HMGCS2: variants seen among roughly 807,000 people sequenced by gnomAD.
The protein encoded by HMGCS2 is hydroxymethylglutaryl-CoA synthase, mitochondrial.
In HMGCS2, 50 loss-of-function variants were observed where a neutral mutation model predicts 57.4. The observed-to-expected ratio is 0.87, with a 90% CI of 0.69 to 1.10. The LOEUF (loss-of-function observed/expected upper bound fraction) is 1.10, where lower values mean the gene tolerates loss of function less well. Among genes scored for constraint, HMGCS2 ranks in the 50% least tolerant of loss-of-function variants. The pLI is 0.00. For missense variants in HMGCS2, 627 were observed against 636.5 expected (o/e 0.99, Z 0.16); for synonymous variants, 254 against 245.1 (o/e 1.04, Z -0.34).
Position 119,752,567 on chromosome 1 carries a change from C to T in HMGCS2, c.1402G>A (p.Glu468Lys). The T allele has an allele frequency of 1.2e-6, 2 of 1,614,090 alleles. No individual in the cohort carries two copies. The highest frequency in any genetic ancestry group is 1.7e-6 in the Non-Finnish European group (2 of 1,179,992). ...TTCTTACCCTTATGGTAGAATTGCT[C>T]TCTTTGGTTCATTATTTCTGTGAAC... ...EEFTEIMNQR[E>K]QFYHKVNFSP... Residue 468 changes from glutamate to lysine, a missense_variant, in exon 8 of 10, where the codon GAG becomes AAG. Transcript: ENST00000369406.
intron 9 of HMGCS2, among the ~76,000 whole-genome samples, chr1:119,749,125 C>T (rs914340202): frequency 1.3e-5 from 2 of 152,190 alleles, no homozygotes; most frequent in South Asian, 2.1e-4. Flanking sequence ...TAGAGCTCCA[C>T]CATGAGCACT....
Position 119,764,488 on chromosome 1 carries a change from T to A in HMGCS2, c.243A>T (p.Ala81=), listed in dbSNP as rs761845625. Residue 81 remains alanine (A), a synonymous_variant, in exon 2 of 10, where the codon GCA becomes GCT. Transcript: ENST00000369406. The part of the protein sequence containing the change: ...TDLEKYNNVE[A]GKYTVGLGQT... ...GGCCCAAGCCCACTGTATACTTTCC[T>A]GCTTCCACATTGTTATACTTCTCCA... 2 of 1,612,560 alleles carry A rather than the reference T, an allele frequency of 1.2e-6. No individual in the cohort carries two copies. The highest frequency in any genetic ancestry group is 3.3e-5 in the Admixed American group (2 of 59,986).
At position 119,750,836 on chromosome 1, in the gene HMGCS2, T is replaced by A. The variant is rs749846010; in HGVS notation, c.1493A>T (p.Gln498Leu). The change falls in exon 9 of 10, where the codon CAG (glutamine) becomes CTG (leucine). Residue 498 changes from glutamine (Q) to leucine (L), a missense_variant. Gln to Leu is a moderately radical substitution (Grantham distance 113). Coordinates refer to ENST00000369406, the MANE Select transcript of HMGCS2 (RefSeq NM_005518.4). ...GTWYLERVDE[Q>L]HRRKYARRPV ...ACGCCGGGCATACTTTCGGCGATGC[T>A]GCTCGTCCACTCGCTCCAGGTACCA... 12 of 1,614,106 alleles carry A rather than the reference T, an allele frequency of 7.4e-6. No homozygotes were observed. Among genetic ancestry groups the A allele is most frequent in the Non-Finnish European group, 1.0e-5 (12 of 1,179,968 alleles).
At chr1:119,763,456 C>T (rs1653110676) in intron 2 of HMGCS2, among the ~76,000 whole-genome samples, 1 of 152,072 alleles carries the variant, frequency 6.6e-6, no homozygotes, top group African/African-American at 2.4e-5. Flanking sequence ...TTAAGCAAGG[C>T]AGATAGGCAA....
intron 2 of HMGCS2, among the ~76,000 whole-genome samples, chr1:119,761,892 T>A (rs1243466646): frequency 1.3e-5 from 2 of 152,230 alleles, no homozygotes; most frequent in Non-Finnish European, 1.5e-5. Flanking sequence ...ATAATTTTAC[T>A]TGTTAAATTG....
chr1:119,751,898 T>C (rs1310854268), intron 8 of HMGCS2, among the ~76,000 whole-genome samples: 1 of 152,212 alleles, frequency 6.6e-6, no homozygotes, highest in Non-Finnish European at 1.5e-5. Context: ...GTAGAAATCA[T>C]GGTAAAACTG....
chr1:119,760,653 A>AT (rs1653006035), intron 2 of HMGCS2, among the ~76,000 whole-genome samples: 2 of 152,226 alleles, frequency 1.3e-5, no homozygotes, highest in African/African-American at 4.8e-5. Flanking sequence ...CTAGTATTCA[A>AT]TAAATAATTG....
chr1:119,761,209 T>C (rs908763864), intron 2 of HMGCS2, among the ~76,000 whole-genome samples: 1 of 147,862 alleles, frequency 6.8e-6, no homozygotes, highest in Admixed American at 6.8e-5. Context: ...TATTTAAGTA[T>C]ATATAATTTT....
chr1:119,765,110 ACGGAGTCTCACTCTGTCACC>A lies in HMGCS2; in HGVS notation c.105-504_105-485del, dbSNP rs587611776. 7.5e-3 allele frequency among the ~76,000 whole-genome samples: 1,137 copies of A among 152,000 alleles called. 10 individuals carry two copies. The highest frequency in any genetic ancestry group is 0.014 in the Middle Eastern group (4 of 294). ...AATCTTTTTTTTTCTCTTTTTTGAG[ACGGAGTCTCACTCTGTCACC>A]CGGAGTCTCACTCTGTCACCCAAGC... is the stretch of plus-strand genomic sequence containing the variant. On this transcript the variant is annotated intron_variant, in intron 1 of 9. Transcript: ENST00000369406.
rs113465163 is a variant in HMGCS2, at chr1:119,760,927, A to G, written c.560-938T>C. 3.6e-3 allele frequency among the ~76,000 whole-genome samples: 544 copies of G among 152,184 alleles called. 3 individuals carry two copies. The highest frequency in any genetic ancestry group is 6.8e-3 in the Middle Eastern group (2 of 294). On this transcript the variant is annotated intron_variant, in intron 2 of 9. Coordinates refer to ENST00000369406, the MANE Select transcript of HMGCS2 (RefSeq NM_005518.4). The stretch of plus-strand genomic sequence containing the variant: ...TTTAAGCCACTTGCCCAAAAACCAC[A>G]TAGCTAATAAATGGTAGGGTAAGGA...
intron 9 of HMGCS2, among the ~76,000 whole-genome samples, chr1:119,749,229 C>A (rs1652559949): frequency 6.6e-6 from 1 of 152,088 alleles, no homozygotes; most frequent in African/African-American, 2.4e-5. Flanking sequence ...TCAAGAGTTC[C>A]AGCTTTTTTT....
rs1352232809 is a variant in HMGCS2 at position 119,764,640 on chromosome 1, A to G, written c.105-14T>C. ...GCTGTAGAAAACCTGTGATGGAGAT[A>G]ACAGTCAAACTCCCACTAATGGTCT... On this transcript the variant is annotated splice_polypyrimidine_tract_variant and intron_variant, in intron 1 of 9. Transcript: ENST00000369406. 6.3e-7 allele frequency: 1 copy of G among 1,581,742 alleles called. No homozygotes were observed. Among genetic ancestry groups the G allele is most frequent in the Non-Finnish European group, 8.7e-7 (1 of 1,153,154 alleles).
At chr1:119,761,926 T>C (rs1004639318) in intron 2 of HMGCS2, among the ~76,000 whole-genome samples, 9 of 152,190 alleles carry the variant, frequency 5.9e-5, no homozygotes, top group African/African-American at 2.2e-4. Flanking sequence ...AGTTTGATAA[T>C]ATATACATTG....
chr1:119,751,149 G>C (rs1188797901), intron 8 of HMGCS2, among the ~76,000 whole-genome samples: 1 of 152,068 alleles, frequency 6.6e-6, no homozygotes, highest in Non-Finnish European at 1.5e-5. Context: ...TATTATAAGA[G>C]TACAACATTT....
rs1652876948 is a variant in HMGCS2 at position 119,757,413 on chromosome 1, A to C, written c.876T>G (p.Leu292=). The C allele has an allele frequency of 6.2e-7, 1 of 1,613,992 alleles. No individual in the cohort carries two copies. The highest frequency in any genetic ancestry group is 1.7e-5 in the Admixed American group (1 of 60,006). The change falls in exon 5 of 10, where the codon CTT becomes CTG. Residue 292 remains leucine (L), a synonymous_variant. Transcript: ENST00000369406. ...KQAGSDRPFT[L]DDLQYMIFHT... is the part of the protein sequence containing the mutation. Reference sequence around the variant, plus strand: ...GAAAGATCATGTACTGTAAATCGTCAAGGGTGAAGGGTCGATCGCTGCCAG... The same window carrying C: ...GAAAGATCATGTACTGTAAATCGTCCAGGGTGAAGGGTCGATCGCTGCCAG...
At chr1:119,759,763 C>A in intron 3 of HMGCS2, 101 bp downstream of exon 3, 1 of 1,423,738 alleles carries the variant, frequency 7.0e-7, no homozygotes, top group South Asian at 1.2e-5. Context: ...CATCCTCAAA[C>A]GCATACCTCA....
In HMGCS2 at chr1:119,759,979, G is replaced by A. The variant is rs201735169; in HGVS notation, c.570C>T (p.Ala190=). 2.0e-4 allele frequency: 329 copies of A among 1,613,900 alleles called. 1 individual carries two copies. The highest frequency in any genetic ancestry group is 2.6e-4 in the Non-Finnish European group (308 of 1,179,866). The change falls in exon 3 of 10, where the codon GCC becomes GCT. Residue 190 remains alanine, a synonymous_variant. Coordinates refer to ENST00000369406, the MANE Select transcript of HMGCS2 (RefSeq NM_005518.4). The part of the protein sequence containing the change: ...MESSSWDGRY[A]MVVCGDIAVY... ...CGGCAATGTCTCCACAGACCACCAT[G>A]GCATAACGACCTGTAAAGAGAAACA...
At chr1:119,751,099 T>C (rs1474958888) in intron 8 of HMGCS2, among the ~76,000 whole-genome samples, 191 bp from the exon 9 acceptor site, 1 of 152,184 alleles carries the variant, frequency 6.6e-6, no homozygotes, top group East Asian at 1.9e-4. Flanking sequence ...CCATCTTGAA[T>C]CTAGCACTTA....
rs754122611 is a variant in HMGCS2 at position 119,752,636 on chromosome 1, G to A, written c.1333C>T (p.Leu445=). ...TTTCGGGAGGCTAGGCGTTTTGGCAGGTCTGATGTGCTGGACACCAACTTG... is the reference window on the plus strand; with the variant it reads ...TTTCGGGAGGCTAGGCGTTTTGGCAAGTCTGATGTGCTGGACACCAACTTG... ...LDKLVSSTSD[L]PKRLASRKCV... Residue 445 remains leucine (L), a synonymous_variant, in exon 8 of 10, where the codon CTG becomes TTG. Transcript: ENST00000369406. 52 of 1,613,980 alleles carry A rather than the reference G, an allele frequency of 3.2e-5. No individual in the cohort carries two copies. The South Asian group carries it at 4.0e-4, about 12-fold the overall frequency.
Sources: gnomAD v4.1 joint callset for allele counts (sites outside exome capture counted in the v4.1 genomes callset) on GRCh38, gnomAD v4.1.1 for gene constraint, MANE v1.5 for transcripts, NCBI Gene and HGNC (gene_info 2026-07-23, HGNC 2026-07-21) for gene names.